The following SSPN variants were observed in gnomAD, a reference collection of about 807,000 sequenced individuals.
The protein encoded by SSPN is K-ras oncogene-associated protein.
SSPN carries 15 observed loss-of-function variants against 19.1 expected under a neutral mutation model. That is an observed-to-expected ratio of 0.78 (90% CI 0.52 to 1.21). SSPN has a LOEUF of 1.21. Among genes scored for constraint, SSPN ranks in the 50% most tolerant of loss-of-function variants. The pLI, the probability that SSPN is intolerant of heterozygous loss-of-function variation, is 0.00. For missense variants in SSPN, 291 were observed against 314.0 expected (o/e 0.93, Z 0.55); for synonymous variants, 147 against 140.3 (o/e 1.05, Z -0.34).
chr12:26,170,594 T>G (rs1390061100), intron 1 of SSPN, among the ~76,000 whole-genome samples: 10 of 152,244 alleles, frequency 6.6e-5, no homozygotes, highest in Admixed American at 6.5e-4. Flanking sequence ...AATTATATGC[T>G]TCACCTCTTG....
At position 26,230,989 on chromosome 12, in the gene SSPN, G is replaced by A. The variant is rs1426813459; in HGVS notation, c.645G>A (p.Val215=). The change falls in exon 3 of 3, where the codon GTG becomes GTA. Residue 215 remains valine (V), a synonymous_variant. Transcript: ENST00000242729. The part of the protein sequence containing the change: ...CGLVCLLACF[V]MWKHRYQVFY... ...TTGTGTGCTTGTTGGCCTGCTTTGTGATGTGGAAACATAGGTACCAGGTCT... is the reference window on the plus strand; with the variant it reads ...TTGTGTGCTTGTTGGCCTGCTTTGTAATGTGGAAACATAGGTACCAGGTCT... The A allele has an allele frequency of 1.9e-6, 3 of 1,614,104 alleles. No individual in the cohort carries two copies. The highest frequency in any genetic ancestry group is 2.5e-6 in the Non-Finnish European group (3 of 1,180,060).
chr12:26,141,022 A>G (rs1944457634), intron 1 of SSPN, among the ~76,000 whole-genome samples: 1 of 152,232 alleles, frequency 6.6e-6, no homozygotes, highest in African/African-American at 2.4e-5. Flanking sequence ...TATAGTAGGC[A>G]GAATAATGGG....
At chr12:26,160,846 G>A (rs935655312) in intron 1 of SSPN, among the ~76,000 whole-genome samples, 12 of 152,066 alleles carry the variant, frequency 7.9e-5, no homozygotes, top group South Asian at 2.1e-4. Flanking sequence ...GGTGGCTCAC[G>A]CCTGCAATCC....
At chr12:26,127,940 A>G (rs1944376359) in intron 1 of SSPN, among the ~76,000 whole-genome samples, 2 of 152,252 alleles carry the variant, frequency 1.3e-5, no homozygotes, top group Non-Finnish European at 1.5e-5. Context: ...AGAGTACCAG[A>G]CTGCATTCAA....
upstream of SSPN, among the ~76,000 whole-genome samples, chr12:26,193,328 G>C (rs1944800431): frequency 6.6e-6 from 1 of 152,164 alleles, no homozygotes; most frequent in Non-Finnish European, 1.5e-5. Context: ...AAGTAGGCTA[G>C]TGACTTTAAT....
intron 1 of SSPN, among the ~76,000 whole-genome samples, chr12:26,150,211 C>G (rs1159934732): frequency 6.6e-6 from 1 of 152,222 alleles, no homozygotes; most frequent in Non-Finnish European, 1.5e-5. Context: ...GACTCCGGAG[C>G]AGCTTGGGGG....
At chr12:26,193,803 C>A (rs986869968), upstream of SSPN, among the ~76,000 whole-genome samples, 1 of 152,174 alleles carries the variant, frequency 6.6e-6, no homozygotes, top group Non-Finnish European at 1.5e-5. Context: ...GTTTTCTAAG[C>A]AAATGTATTT....
intron 1 of SSPN, among the ~76,000 whole-genome samples, chr12:26,177,439 A>G (rs1466467): frequency 0.098 from 14,904 of 152,130 alleles, 947 homozygotes; most frequent in Non-Finnish European, 0.14. Flanking sequence ...CATGCTGCCC[A>G]GTGTTCAGTA....
chr12:26,152,176 A>G (rs1159298238), intron 1 of SSPN, among the ~76,000 whole-genome samples: 2 of 152,180 alleles, frequency 1.3e-5, no homozygotes, highest in East Asian at 3.8e-4. Context: ...TCCATGGTGT[A>G]AATACTCCCA....
intron 1 of SSPN, among the ~76,000 whole-genome samples, chr12:26,182,622 C>T (rs1351210056): frequency 2.9e-5 from 4 of 137,720 alleles, no homozygotes; most frequent in Non-Finnish European, 4.7e-5. Context: ...CCCTTCCCTT[C>T]CCTTCCCTTC....
intron 1 of SSPN, chr12:26,122,314 CTGCCGCGGCTGCCGCCGGGGCGGGGA>C: frequency 8.6e-7 from 1 of 1,165,250 alleles, no homozygotes. Context: ...GCGGCGGCGG[CTGCCGCGGCTGCCGCCGGGGCGGGGA>C]TGCCGGGGTA....
intron 1 of SSPN, among the ~76,000 whole-genome samples, chr12:26,154,019 G>T (rs1944541942): frequency 6.6e-6 from 1 of 152,186 alleles, no homozygotes; most frequent in South Asian, 2.1e-4. Context: ...ACTTGGAGTA[G>T]CCTCAGAAAG....
chr12:26,162,066 A>G (rs1487901937), intron 1 of SSPN, among the ~76,000 whole-genome samples: 1 of 152,186 alleles, frequency 6.6e-6, no homozygotes, highest in African/African-American at 2.4e-5. Context: ...GGAAGTGAAT[A>G]AATGAATGTT....
Position 26,163,002 on chromosome 12 carries a change from A to AGTGT in SSPN, c.-31+40852_-31+40855dup, listed in dbSNP as rs1385742397. 3.3e-5 allele frequency among the ~76,000 whole-genome samples: 5 copies of AGTGT among 151,126 alleles called. No homozygotes were observed. The East Asian group carries it at 9.8e-4, about 30-fold the overall frequency. On this transcript the variant is annotated intron_variant, in intron 1 of 2. Coordinates refer to the SSPN transcript ENST00000538142. The stretch of plus-strand genomic sequence containing the variant: ...AAGAGGATTAGGCAGATTCAAACAC[A>AGTGT]GTGTGCTTCAAGACGTGTGTGCTTC...
At chr12:26,177,879 A>G (rs1944694342) in intron 1 of SSPN, among the ~76,000 whole-genome samples, 1 of 152,122 alleles carries the variant, frequency 6.6e-6, no homozygotes, top group African/African-American at 2.4e-5. Flanking sequence ...ATGACTGCTC[A>G]TCTCTAACGT....
chr12:26,159,532 C>G (rs1014422877), intron 1 of SSPN, among the ~76,000 whole-genome samples: 1 of 152,214 alleles, frequency 6.6e-6, no homozygotes, highest in East Asian at 1.9e-4. Flanking sequence ...GGATGCCCCA[C>G]TGAGCCATCA....
intron 1 of SSPN, chr12:26,214,797 G>T (rs1217367205): frequency 1.3e-5 from 2 of 151,962 alleles, no homozygotes; most frequent in African/African-American, 2.4e-5. Flanking sequence ...TAATGAAAAA[G>T]AATTAATAAT....
chr12:26,176,102 G>T (rs1944682254), intron 1 of SSPN, among the ~76,000 whole-genome samples: 1 of 152,182 alleles, frequency 6.6e-6, no homozygotes, highest in African/African-American at 2.4e-5. Flanking sequence ...CTCCTAAAGT[G>T]CTGGGATTAC....
At chr12:26,140,036 T>C (rs1164983164) in intron 1 of SSPN, among the ~76,000 whole-genome samples, 1 of 152,230 alleles carries the variant, frequency 6.6e-6, no homozygotes, top group Non-Finnish European at 1.5e-5. Flanking sequence ...ATATCATCTT[T>C]ATGCTGATAA....
Sources: allele counts gnomAD v4.1 joint callset (sites outside exome capture counted in the v4.1 genomes callset), GRCh38; gene constraint gnomAD v4.1.1; transcripts MANE v1.5; gene names NCBI Gene and HGNC (gene_info 2026-07-23, HGNC 2026-07-21).